DZANK1: variants seen among roughly 807,000 people sequenced by gnomAD.
The protein encoded by DZANK1 is double zinc ribbon and ankyrin repeat-containing protein 1.
Under a neutral mutation model 94.5 loss-of-function variants are expected in DZANK1, and 91 were observed. The ratio of observed to expected loss-of-function variants is 0.96; its 90% CI spans 0.81 to 1.15. The LOEUF (loss-of-function observed/expected upper bound fraction) is 1.15. DZANK1 is among the 50% of genes most tolerant of loss of function. The pLI is 0.00. For missense variants in DZANK1, 903 were observed against 916.4 expected, an observed-to-expected ratio of 0.99 and a Z score of 0.19; for synonymous variants, 312 against 325.3, an observed-to-expected ratio of 0.96 and a Z score of 0.44.
intron 9 of DZANK1, among the ~76,000 whole-genome samples, chr20:18,430,225 T>G (rs1460335584): frequency 6.6e-6 from 1 of 152,180 alleles, no homozygotes; most frequent in African/African-American, 2.4e-5. Flanking sequence ...GATAAAGTTC[T>G]GCTTGAGGTG....
chr20:18,463,375 G>A (rs1448063490), intron 2 of DZANK1, among the ~76,000 whole-genome samples: 2 of 152,102 alleles, frequency 1.3e-5, no homozygotes, highest in Admixed American at 1.3e-4. Context: ...GGGGAGGGCT[G>A]AAAACCTACA....
chr20:18,445,043 G>A (rs1253445198), intron 7 of DZANK1, among the ~76,000 whole-genome samples: 1 of 151,746 alleles, frequency 6.6e-6, no homozygotes, highest in African/African-American at 2.4e-5. Context: ...TCCTGACCTC[G>A]TGATCCGCCC....
At chr20:18,452,011 C>T (rs574249417) in intron 6 of DZANK1, 11 of 499,806 alleles carry the variant, frequency 2.2e-5, no homozygotes, top group African/African-American at 9.7e-5. Flanking sequence ...AAACTTCTTA[C>T]GGTCAGACTA....
chr20:18,457,970 A>G (rs1427042343), intron 3 of DZANK1, among the ~76,000 whole-genome samples: 1 of 152,208 alleles, frequency 6.6e-6, no homozygotes, highest in Admixed American at 6.5e-5. Context: ...CCTCATACGC[A>G]TTGAAAGCTC....
At chr20:18,414,607 T>C in intron 11 of DZANK1, 95 bp from the exon 12 acceptor site, 1 of 1,399,292 alleles carries the variant, frequency 7.1e-7, no homozygotes, top group Non-Finnish European at 9.6e-7. Context: ...GCCCAGACTC[T>C]CTGACCCAGC....
chr20:18,428,411 A>G (rs2058145863), intron 9 of DZANK1, among the ~76,000 whole-genome samples: 2 of 151,348 alleles, frequency 1.3e-5, no homozygotes, highest in South Asian at 4.2e-4. Flanking sequence ...CTGGTCTCAA[A>G]CTCCTGGCCT....
At chr20:18,423,035 T>C (rs911339331) in intron 10 of DZANK1, among the ~76,000 whole-genome samples, 7 of 152,136 alleles carry the variant, frequency 4.6e-5, no homozygotes, top group Non-Finnish European at 1.0e-4. Flanking sequence ...TAATGATATT[T>C]TGGTCAATGA....
intron 9 of DZANK1, 53 bp downstream of exon 9, chr20:18,433,599 T>C (rs1436119946): frequency 3.9e-6 from 6 of 1,554,570 alleles, no homozygotes; most frequent in Non-Finnish European, 5.3e-6. Flanking sequence ...ATATACCTGT[T>C]CAAACATTAC....
intron 13 of DZANK1, among the ~76,000 whole-genome samples, chr20:18,406,096 T>C (rs996371497): frequency 5.3e-5 from 8 of 152,240 alleles, no homozygotes; most frequent in Admixed American, 3.9e-4. Context: ...TCTGGGATCA[T>C]AGGTAAACTT....
At chr20:18,439,876 A>C (rs948333082) in intron 8 of DZANK1, among the ~76,000 whole-genome samples, 5 of 152,136 alleles carry the variant, frequency 3.3e-5, no homozygotes, top group Admixed American at 3.3e-4. Context: ...GCTGGGTGTT[A>C]GGGACTAAAC....
intron 13 of DZANK1, among the ~76,000 whole-genome samples, chr20:18,409,553 C>CAG (rs2057130767): frequency 4.0e-5 from 2 of 50,562 alleles, no homozygotes; most frequent in Non-Finnish European, 1.2e-4. Flanking sequence ...AATATGAATA[C>CAG]ACACACACAC....
intron 13 of DZANK1, among the ~76,000 whole-genome samples, chr20:18,403,800 T>TTC (rs2056811790): frequency 6.9e-6 from 1 of 145,506 alleles, no homozygotes; most frequent in Non-Finnish European, 1.5e-5. Flanking sequence ...TTCTTTCTTT[T>TTC]TTTTTTTTTT....
chr20:18,398,228 T>C lies in DZANK1; in HGVS notation c.1536+295A>G, dbSNP rs2056461827. The C allele has an allele frequency of 1.6e-5, 6 of 381,150 alleles. No homozygotes were observed. The South Asian group carries it at 2.1e-4, about 14-fold the overall frequency. The allele number at this position is 381,150 out of a possible 1,614,324, so 23.6% of individuals were successfully genotyped here. On this transcript the variant is annotated intron_variant, in intron 14 of 20. Transcript: ENST00000262547. ...AGTGCACGATCTGGATGGATTAAAT[T>C]GTTCTGGGACCTTTCATTCTGACTG... is the stretch of plus-strand genomic sequence containing the variant.
intron 19 of DZANK1, among the ~76,000 whole-genome samples, chr20:18,388,009 G>A (rs1374087431): frequency 6.6e-6 from 1 of 152,194 alleles, no homozygotes; most frequent in Non-Finnish European, 1.5e-5. Flanking sequence ...GTCTACAGAG[G>A]TCCAGCTATG....
intron 12 of DZANK1, among the ~76,000 whole-genome samples, chr20:18,414,068 G>A (rs1177177175): frequency 6.6e-6 from 1 of 152,112 alleles, no homozygotes; most frequent in Admixed American, 6.5e-5. Flanking sequence ...ATATAAAAAA[G>A]GGGAAGGAAA....
At chr20:18,406,493 G>A (rs2056972003) in intron 13 of DZANK1, among the ~76,000 whole-genome samples, 1 of 152,196 alleles carries the variant, frequency 6.6e-6, no homozygotes, top group African/African-American at 2.4e-5. Flanking sequence ...CAGTCCTAGC[G>A]GGATTGATCG....
At chr20:18,394,956 CTG>C (rs2056253630) in intron 15 of DZANK1, 4 of 448,106 alleles carry the variant, frequency 8.9e-6, no homozygotes, top group Admixed American at 4.7e-5. Context: ...ACACAGAAGT[CTG>C]TGTGCACCCG....
intron 7 of DZANK1, among the ~76,000 whole-genome samples, chr20:18,448,361 C>T (rs2058961309): frequency 6.6e-6 from 1 of 152,060 alleles, no homozygotes; most frequent in South Asian, 2.1e-4. Flanking sequence ...AGAAAGAAAT[C>T]AATAATTGCC....
chr20:18,404,124 A>T (rs2056832755), intron 13 of DZANK1, among the ~76,000 whole-genome samples: 1 of 145,212 alleles, frequency 6.9e-6, no homozygotes, highest in African/African-American at 2.5e-5. Flanking sequence ...ACATTATGAG[A>T]TTTTTTTTTT....
Sources: allele counts gnomAD v4.1 joint callset (sites outside exome capture counted in the v4.1 genomes callset), GRCh38; gene constraint gnomAD v4.1.1; transcripts MANE v1.5; gene names NCBI Gene and HGNC (gene_info 2026-07-23, HGNC 2026-07-21).